The following FSTL5 variants were observed in gnomAD, a reference collection of about 807,000 sequenced individuals.
FSTL5 encodes follistatin like 5.
In FSTL5, 62 loss-of-function variants were observed where a neutral mutation model predicts 89.1. That is an observed-to-expected ratio of 0.70 (90% CI 0.57 to 0.86). FSTL5 has a LOEUF of 0.86. Ranked by LOEUF, FSTL5 falls within the 40% of genes least tolerant of loss-of-function variation. The pLI is 0.00. For missense variants in FSTL5, 1,057 were observed against 1,001.6 expected (o/e 1.06, Z -0.75); for synonymous variants, 383 against 346.2 (o/e 1.11, Z -1.18).
intron 6 of FSTL5, among the ~76,000 whole-genome samples, chr4:161,738,273 A>AT (rs1739889910): frequency 1.3e-5 from 2 of 152,118 alleles, no homozygotes; most frequent in African/African-American, 4.8e-5. Flanking sequence ...AGGAGTAGCC[A>AT]TTAACCTATA....
intron 10 of FSTL5, among the ~76,000 whole-genome samples, chr4:161,526,164 T>C (rs1731212729): frequency 6.6e-6 from 1 of 152,182 alleles, no homozygotes; most frequent in Non-Finnish European, 1.5e-5. Flanking sequence ...GAAATTACAT[T>C]TTGACATTAA....
At chr4:162,063,777 G>A (rs568657268) in intron 2 of FSTL5, among the ~76,000 whole-genome samples, 3 of 151,858 alleles carry the variant, frequency 2.0e-5, no homozygotes, top group African/African-American at 7.2e-5. Context: ...GCTTCTTCAG[G>A]TCATTTCCCT....
intron 4 of FSTL5, among the ~76,000 whole-genome samples, chr4:161,787,926 T>C (rs1281492328): frequency 1.3e-5 from 2 of 152,142 alleles, no homozygotes; most frequent in Non-Finnish European, 2.9e-5. Context: ...TTGTTGCAAC[T>C]GAAAAGCATA....
chr4:161,765,310 C>T lies in FSTL5; in HGVS notation c.607-5779G>A, dbSNP rs1257771441. On this transcript the variant is annotated intron_variant, in intron 5 of 15. Transcript: ENST00000306100. ...TTCCCTGGAAATTCTCACTTAATCT[C>T]ACTCTTCTATCCATACAAGTGCTTA... Among the ~76,000 whole-genome samples, 4 of 152,324 alleles carry T rather than the reference C, an allele frequency of 2.6e-5. No individual in the cohort carries two copies. In the East Asian group the frequency reaches 7.7e-4, roughly 29 times the overall value.
Position 161,672,315 on chromosome 4 carries a change from G to A in FSTL5, c.728-15821C>T, listed in dbSNP as rs139420464. 6.7e-3 allele frequency among the ~76,000 whole-genome samples: 1,017 copies of A among 152,178 alleles called. 12 individuals are homozygous for A. The highest frequency in any genetic ancestry group is 0.021 in the African/African-American group (880 of 41,532). ...CCTTTAACATATAAATCTTCACCCA[G>A]CCTCTTGACAGTTTACGACCCAAGA... is the stretch of plus-strand genomic sequence containing the variant. On this transcript the variant is annotated intron_variant, in intron 6 of 15. Coordinates refer to ENST00000306100, the MANE Select transcript of FSTL5 (RefSeq NM_020116.5).
intron 12 of FSTL5, among the ~76,000 whole-genome samples, chr4:161,493,633 AT>A (rs1362619672): frequency 7.0e-6 from 1 of 143,356 alleles, no homozygotes; most frequent in African/African-American, 2.4e-5. Context: ...TTGTATCAAT[AT>A]TTTTTTCCAT....
chr4:161,671,934 C>T (rs1315907513), intron 6 of FSTL5, among the ~76,000 whole-genome samples: 1 of 152,140 alleles, frequency 6.6e-6, no homozygotes, highest in Admixed American at 6.6e-5. Flanking sequence ...AGGGCACATT[C>T]TCAGCCAGAA....
intron 4 of FSTL5, among the ~76,000 whole-genome samples, chr4:161,901,887 A>T (rs1733377024): frequency 6.6e-6 from 1 of 152,154 alleles, no homozygotes; most frequent in Admixed American, 6.5e-5. Context: ...GTGAGCCAAG[A>T]TCGCGCCCTG....
chr4:162,012,109 G>A (rs1425652158), intron 3 of FSTL5, among the ~76,000 whole-genome samples: 1 of 152,138 alleles, frequency 6.6e-6, no homozygotes, highest in Non-Finnish European at 1.5e-5. Context: ...GATGCACTAC[G>A]TTCCAACGGT....
In FSTL5 at chr4:162,008,216, C is replaced by G. The variant is rs540578483; in HGVS notation, c.160+25409G>C. ...TTAATGAGAGAACAAGTCTTGCCAA[C>G]AAATCTTCATCTTGATCTTTAAAAA... is the stretch of plus-strand genomic sequence containing the variant. On this transcript the variant is annotated intron_variant, in intron 3 of 15. Transcript: ENST00000306100. Among the ~76,000 whole-genome samples, 6 of 151,816 alleles carry G rather than the reference C, an allele frequency of 4.0e-5. No individual in the cohort carries two copies. The East Asian group carries it at 1.2e-3, about 29-fold the overall frequency.
intron 4 of FSTL5, among the ~76,000 whole-genome samples, chr4:161,883,944 A>G (rs1480260053): frequency 1.3e-5 from 2 of 152,240 alleles, no homozygotes; most frequent in African/African-American, 4.8e-5. Context: ...AGAAAATTTT[A>G]CATATTTGAG....
At chr4:162,077,794 C>A (rs927990136) in intron 2 of FSTL5, among the ~76,000 whole-genome samples, 1 of 151,488 alleles carries the variant, frequency 6.6e-6, no homozygotes, top group Non-Finnish European at 1.5e-5. Flanking sequence ...ATTTATTAAC[C>A]AAAATAAAAC....
intron 4 of FSTL5, among the ~76,000 whole-genome samples, chr4:161,799,027 T>C (rs1395868410): frequency 6.6e-6 from 1 of 151,710 alleles, no homozygotes; most frequent in African/African-American, 2.4e-5. Flanking sequence ...TTAAGACTAC[T>C]TATTATTAAA....
intron 7 of FSTL5, among the ~76,000 whole-genome samples, chr4:161,648,620 A>G (rs993656891): frequency 1.3e-5 from 2 of 152,184 alleles, no homozygotes; most frequent in African/African-American, 4.8e-5. Flanking sequence ...GTAAGACAGG[A>G]ATAAATCCAA....
intron 3 of FSTL5, among the ~76,000 whole-genome samples, chr4:161,934,414 T>C (rs1301741812): frequency 1.3e-5 from 2 of 151,966 alleles, no homozygotes; most frequent in Admixed American, 6.6e-5. Context: ...AGAAAGAAGG[T>C]TGGGAAGTAT....
intron 10 of FSTL5, among the ~76,000 whole-genome samples, chr4:161,514,836 G>T (rs981892287): frequency 6.6e-6 from 1 of 151,970 alleles, no homozygotes; most frequent in South Asian, 2.1e-4. Flanking sequence ...TATTTAGCAA[G>T]CTACAAGATA....
intron 1 of FSTL5, among the ~76,000 whole-genome samples, chr4:162,132,561 C>A (rs1017278442): frequency 2.0e-5 from 3 of 152,124 alleles, no homozygotes; most frequent in Non-Finnish European, 4.4e-5. Context: ...AAGTCAGTGA[C>A]ACCAAGAACC....
At chr4:161,609,273 C>A (rs1257943591) in intron 7 of FSTL5, among the ~76,000 whole-genome samples, 1 of 152,098 alleles carries the variant, frequency 6.6e-6, no homozygotes, top group East Asian at 1.9e-4. Flanking sequence ...TCTTTAAAAA[C>A]ATTTAAAAAT....
intron 15 of FSTL5, among the ~76,000 whole-genome samples, chr4:161,435,171 G>A (rs1578971714): frequency 6.6e-6 from 1 of 152,206 alleles, no homozygotes; most frequent in East Asian, 1.9e-4. Flanking sequence ...TTGGAAGCAA[G>A]CTAAGTGCTC....
Sources: gnomAD v4.1 joint callset for allele counts (sites outside exome capture counted in the v4.1 genomes callset) on GRCh38, gnomAD v4.1.1 for gene constraint, MANE v1.5 for transcripts, NCBI Gene and HGNC (gene_info 2026-07-23, HGNC 2026-07-21) for gene names.